NBEA: variants seen among roughly 807,000 people sequenced by gnomAD.
NBEA encodes the protein neurobeachin, also known as lysosomal-trafficking regulator 2.
NBEA carries 44 observed loss-of-function variants against 343.4 expected under a neutral mutation model. That is an observed-to-expected ratio of 0.13 (90% CI 0.10 to 0.16). The LOEUF (loss-of-function observed/expected upper bound fraction) is 0.16, where lower values mean the gene tolerates loss of function less well. NBEA is among the 10% of genes least tolerant of loss of function. The probability of loss-of-function intolerance (pLI) is 1.00; values close to 1 mark genes in which losing one functional copy is unlikely to be tolerated. For synonymous variants in NBEA, 1,175 were observed against 1,238.7 expected (o/e 0.95, Z 1.08); for missense variants, 2,555 against 3,631.3 (o/e 0.70, Z 7.62).
intron 1 of NBEA, among the ~76,000 whole-genome samples, chr13:35,002,191 T>A (rs1179359218): frequency 2.6e-5 from 4 of 152,112 alleles, no homozygotes; most frequent in Non-Finnish European, 4.4e-5. Context: ...GGTAGGGAGC[T>A]AACAGGTTAC....
intron 45 of NBEA, among the ~76,000 whole-genome samples, chr13:35,572,567 T>C (rs2080488055): frequency 6.6e-6 from 1 of 152,232 alleles, no homozygotes; most frequent in African/African-American, 2.4e-5. Flanking sequence ...GGCTTTGAAA[T>C]GTGATAATGC....
intron 7 of NBEA, among the ~76,000 whole-genome samples, chr13:35,056,989 T>C (rs765858079): frequency 5.3e-5 from 8 of 152,058 alleles, no homozygotes; most frequent in Non-Finnish European, 1.0e-4. Flanking sequence ...AGGGGAAGAA[T>C]TGACACAGTT....
At chr13:35,555,186 T>C in intron 44 of NBEA, 84 bp downstream of exon 44, 1 of 682,016 alleles carries the variant, frequency 1.5e-6, no homozygotes, top group Non-Finnish European at 2.2e-6. Context: ...TACATTTTTC[T>C]CTTTGGAATT....
chr13:35,476,575 C>G (rs1346059233), intron 41 of NBEA: 1 of 564,734 alleles, frequency 1.8e-6, no homozygotes, highest in East Asian at 2.9e-5. Flanking sequence ...TTGCGCTTTC[C>G]CGTAATCATT....
At chr13:35,584,264 T>A (rs1435426086) in intron 46 of NBEA, among the ~76,000 whole-genome samples, 1 of 151,896 alleles carries the variant, frequency 6.6e-6, no homozygotes, top group African/African-American at 2.4e-5. Flanking sequence ...ATTATGAGCT[T>A]AAACCAAACC....
chr13:35,018,982 T>C (rs1332212491), intron 1 of NBEA, among the ~76,000 whole-genome samples: 2 of 152,092 alleles, frequency 1.3e-5, no homozygotes, highest in Non-Finnish European at 2.9e-5. Flanking sequence ...ATGCTTTTTC[T>C]GTATCTTTTG....
intron 40 of NBEA, among the ~76,000 whole-genome samples, chr13:35,462,358 G>C (rs1360146991): frequency 1.3e-5 from 2 of 152,058 alleles, no homozygotes. Context: ...TATTAGAATG[G>C]GTATTTCCTT....
intron 41 of NBEA, among the ~76,000 whole-genome samples, chr13:35,514,881 G>A (rs529600296): frequency 9.9e-5 from 15 of 152,152 alleles, no homozygotes; most frequent in East Asian, 3.9e-4. Flanking sequence ...TTGTTCTGGC[G>A]GCATGACAAA....
intron 41 of NBEA, among the ~76,000 whole-genome samples, chr13:35,526,533 G>A (rs548459883): frequency 7.2e-5 from 11 of 152,278 alleles, no homozygotes; most frequent in Middle Eastern, 3.4e-3. Flanking sequence ...AGCTACTCAG[G>A]AGGCTGAGGC....
chr13:35,107,281 C>G (rs190497991), intron 11 of NBEA, among the ~76,000 whole-genome samples: 1 of 151,662 alleles, frequency 6.6e-6, no homozygotes, highest in Non-Finnish European at 1.5e-5. Flanking sequence ...TTGGTTCCCC[C>G]CCCTTTATTA....
At chr13:35,033,354 A>G (rs1259568501) in intron 1 of NBEA, among the ~76,000 whole-genome samples, 1 of 151,564 alleles carries the variant, frequency 6.6e-6, no homozygotes, top group African/African-American at 2.4e-5. Flanking sequence ...ATTTTGTTAC[A>G]TTGGTCTCTG....
At chr13:35,034,768 T>C (rs1231597322) in intron 1 of NBEA, among the ~76,000 whole-genome samples, 1 of 151,938 alleles carries the variant, frequency 6.6e-6, no homozygotes, top group Admixed American at 6.6e-5. Flanking sequence ...GGTACTTGTA[T>C]GTGTGGAGCA....
intron 41 of NBEA, chr13:35,475,361 G>A (rs1304612731): frequency 6.2e-7 from 1 of 1,613,944 alleles, no homozygotes; most frequent in Non-Finnish European, 8.5e-7. Context: ...TCAAGGTGAC[G>A]ATCCCTTAAG....
At chr13:35,049,074 G>T (rs1490929793) in intron 5 of NBEA, among the ~76,000 whole-genome samples, 2 of 151,718 alleles carry the variant, frequency 1.3e-5, no homozygotes, top group Non-Finnish European at 3.0e-5. Context: ...GAGCATAACT[G>T]ACATATGCTT....
rs180791284 is a variant in NBEA, at chr13:35,358,801, A to G, written c.6179+6478A>G. Among the ~76,000 whole-genome samples, 4 of 152,348 alleles carry G rather than the reference A, an allele frequency of 2.6e-5. No homozygotes were observed. In the East Asian group the frequency reaches 7.7e-4, roughly 29 times the overall value. ...AGTGCCAAGTACTTTGAAGGAGCAC[A>G]TAAAACAGAGGAGCTTTATTTTAGA... On this transcript the variant is annotated intron_variant, in intron 38 of 58. Coordinates refer to ENST00000379939, the MANE Select transcript of NBEA (RefSeq NM_001385012.1).
chr13:35,376,919 T>C (rs2041773113), intron 38 of NBEA, among the ~76,000 whole-genome samples: 1 of 152,170 alleles, frequency 6.6e-6, no homozygotes, highest in Non-Finnish European at 1.5e-5. Context: ...TGAGAGGCCC[T>C]GTCCCACATT....
chr13:35,572,987 G>A (rs559435242), intron 45 of NBEA, among the ~76,000 whole-genome samples: 58 of 152,236 alleles, frequency 3.8e-4, no homozygotes, highest in African/African-American at 1.4e-3. Flanking sequence ...GTGGTAGGAT[G>A]ATACAAAACT....
At chr13:35,143,914 A>C (rs78511644) in intron 18 of NBEA, among the ~76,000 whole-genome samples, 13 of 150,842 alleles carry the variant, frequency 8.6e-5, no homozygotes, top group Admixed American at 2.0e-4. Flanking sequence ...AAAAAAAAAA[A>C]CAAAAACAAA....
At chr13:35,332,475 A>G (rs185342671) in intron 36 of NBEA, among the ~76,000 whole-genome samples, 201 of 152,260 alleles carry the variant, frequency 1.3e-3, no homozygotes, top group African/African-American at 4.7e-3. Context: ...AATAAATTTA[A>G]CTGTTATCTT....
Sources: gnomAD v4.1 joint callset for allele counts (sites outside exome capture counted in the v4.1 genomes callset) on GRCh38, gnomAD v4.1.1 for gene constraint, MANE v1.5 for transcripts, NCBI Gene and HGNC (gene_info 2026-07-23, HGNC 2026-07-21) for gene names.